KCNK13: variants seen among roughly 807,000 people sequenced by gnomAD.
KCNK13 encodes potassium channel subfamily K member 13.
In KCNK13, 12 loss-of-function variants were observed where a neutral mutation model predicts 23.4. The ratio of observed to expected loss-of-function variants is 0.51; its 90% confidence interval spans 0.33 to 0.83. The LOEUF (loss-of-function observed/expected upper bound fraction) is 0.83, where lower values mean the gene tolerates loss of function less well. Ranked by LOEUF, KCNK13 falls within the 40% of genes least tolerant of loss-of-function variation. KCNK13 has a pLI of 0.02. For synonymous variants in KCNK13, 231 were observed against 229.5 expected, an observed-to-expected ratio of 1.01 and a Z score of -0.06; for missense variants, 463 against 556.3, an observed-to-expected ratio of 0.83 and a Z score of 1.69.
intron 1 of KCNK13, among the ~76,000 whole-genome samples, chr14:90,110,502 A>T (rs1349830643): frequency 1.4e-5 from 2 of 147,534 alleles, no homozygotes; most frequent in African/African-American, 5.0e-5. Context: ...AAAAAAAAGC[A>T]TCTGATTCAG....
At chr14:90,072,932 G>A (rs1163613534) in intron 1 of KCNK13, among the ~76,000 whole-genome samples, 1 of 152,014 alleles carries the variant, frequency 6.6e-6, no homozygotes, top group African/African-American at 2.4e-5. Context: ...CTTTGTGTAC[G>A]TTTAGTTCTA....
Position 90,062,598 on chromosome 14 carries a change from G to T in KCNK13, c.334+59G>T, listed in dbSNP as rs1373834194. Reference sequence around the variant, plus strand: ...CGGGCGGCCTCCACTTCCTCCGGGGGGCAGGACCGACCCTCTCATCCTTTC... The same window carrying T: ...CGGGCGGCCTCCACTTCCTCCGGGGTGCAGGACCGACCCTCTCATCCTTTC... On this transcript the variant is annotated intron_variant, in intron 1 of 1. Transcript: ENST00000282146. This position sits in a 1 kb window ranked among gnomAD's most constrained non-coding sequence, Gnocchi z 4.5. 63 of 1,294,808 alleles carry T rather than the reference G, an allele frequency of 4.9e-5. No homozygotes were observed. Among genetic ancestry groups the T allele is most frequent in the African/African-American group, 6.2e-5 (4 of 64,248 alleles). 80.2% of individuals were successfully genotyped at this position (1,294,808 alleles called of 1,614,324 possible). A position where few individuals can be genotyped will look rare whatever the true frequency, so the allele number is the denominator to read the frequency against.
intron 1 of KCNK13, among the ~76,000 whole-genome samples, chr14:90,166,048 T>A (rs1052732505): frequency 1.8e-4 from 27 of 152,244 alleles, no homozygotes; most frequent in African/African-American, 6.5e-4. Context: ...GTTTTCAGCT[T>A]ATACAGTTAG....
At chr14:90,127,002 A>G (rs1889808761) in intron 1 of KCNK13, among the ~76,000 whole-genome samples, 1 of 152,216 alleles carries the variant, frequency 6.6e-6, no homozygotes. Context: ...TAGTAAATGT[A>G]ATGCAGTATC....
intron 1 of KCNK13, among the ~76,000 whole-genome samples, chr14:90,109,270 ATTTCT>A (rs1216794047): frequency 1.3e-5 from 2 of 152,004 alleles, no homozygotes; most frequent in Non-Finnish European, 2.9e-5. Context: ...AGAATGTTTA[ATTTCT>A]TTTCTAATAA....
chr14:90,127,406 A>G (rs951676488), intron 1 of KCNK13, among the ~76,000 whole-genome samples: 2 of 150,730 alleles, frequency 1.3e-5, no homozygotes, highest in Non-Finnish European at 2.9e-5. Context: ...TTTTGGGGAC[A>G]GGACATTTGT....
chr14:90,099,662 T>C (rs943874535), intron 1 of KCNK13, among the ~76,000 whole-genome samples: 4 of 152,192 alleles, frequency 2.6e-5, no homozygotes, highest in African/African-American at 9.7e-5. Context: ...TCATTGCAAT[T>C]GCACAGCTAA....
intron 1 of KCNK13, among the ~76,000 whole-genome samples, chr14:90,141,800 G>GC (rs1555352014): frequency 6.7e-5 from 10 of 148,764 alleles, no homozygotes; most frequent in African/African-American, 2.5e-4. Flanking sequence ...TTTTTGGGGG[G>GC]GGGGACGGAG....
At chr14:90,141,729 A>T (rs2140428246) in intron 1 of KCNK13, among the ~76,000 whole-genome samples, 1 of 147,706 alleles carries the variant, frequency 6.8e-6, no homozygotes, top group African/African-American at 2.5e-5. Flanking sequence ...AAGCGCTGGG[A>T]TTACAGGTGT....
At chr14:90,172,813 T>G (rs1163045689) in intron 1 of KCNK13, among the ~76,000 whole-genome samples, 1 of 152,192 alleles carries the variant, frequency 6.6e-6, no homozygotes, top group Non-Finnish European at 1.5e-5. Context: ...GTCATCAGAA[T>G]CTGCACCACA....
Position 90,116,417 on chromosome 14 carries a change from C to T in KCNK13, c.334+53878C>T, listed in dbSNP as rs17126573. 6.8e-3 allele frequency among the ~76,000 whole-genome samples: 1,033 copies of T among 152,244 alleles called. 16 individuals are homozygous for T. The highest frequency in any genetic ancestry group is 0.024 in the African/African-American group (985 of 41,520). ...ATTGCACAGTTTAGTTATAAACTAT[C>T]GCACAGTTATAGCAATTTTCAGTTG... On this transcript the variant is annotated intron_variant, in intron 1 of 1. Coordinates refer to ENST00000282146, the MANE Select transcript of KCNK13 (RefSeq NM_022054.4).
chr14:90,115,717 C>T (rs1252433638), intron 1 of KCNK13, among the ~76,000 whole-genome samples: 7 of 152,140 alleles, frequency 4.6e-5, no homozygotes, highest in Non-Finnish European at 1.0e-4. Flanking sequence ...AAAAAACAGG[C>T]AACAGGCCGA....
At chr14:90,134,019 G>A (rs1051284414) in intron 1 of KCNK13, among the ~76,000 whole-genome samples, 4 of 152,140 alleles carry the variant, frequency 2.6e-5, no homozygotes, top group African/African-American at 9.7e-5. Flanking sequence ...CAACAATGTG[G>A]CTGAAACCCT....
intron 1 of KCNK13, among the ~76,000 whole-genome samples, chr14:90,121,262 GTTAAA>G (rs1259089804): frequency 6.6e-6 from 1 of 152,202 alleles, no homozygotes; most frequent in Admixed American, 6.5e-5. Context: ...ACAGGTTTCT[GTTAAA>G]TTAATTAAGA....
At chr14:90,128,378 A>AT (rs963418655) in intron 1 of KCNK13, among the ~76,000 whole-genome samples, 13 of 152,078 alleles carry the variant, frequency 8.5e-5, no homozygotes, top group African/African-American at 2.9e-4. Context: ...GTATTTAGGC[A>AT]TTTTTCAGGG....
At chr14:90,108,142 T>C (rs1429302271) in intron 1 of KCNK13, 4 of 369,374 alleles carry the variant, frequency 1.1e-5, no homozygotes, top group Non-Finnish European at 2.0e-5. Flanking sequence ...ATCAACTTGC[T>C]CTTGACCACG....
At chr14:90,103,069 T>C (rs1889500984) in intron 1 of KCNK13, among the ~76,000 whole-genome samples, 1 of 152,204 alleles carries the variant, frequency 6.6e-6, no homozygotes, top group African/African-American at 2.4e-5. Flanking sequence ...CTTAGGATTA[T>C]GACTGCCAGC....
At position 90,172,798 on chromosome 14, in the gene KCNK13, A is replaced by T. The variant is rs570177862; in HGVS notation, c.335-11313A>T. Among the ~76,000 whole-genome samples the T allele has an allele frequency of 2.0e-5, 3 of 152,352 alleles. No individual in the cohort carries two copies. In the South Asian group the frequency reaches 6.2e-4, roughly 32 times the overall value. On this transcript the variant is annotated intron_variant, in intron 1 of 1. Coordinates refer to ENST00000282146, the MANE Select transcript of KCNK13 (RefSeq NM_022054.4). ...AAGAGGTTACTATTAAGCACGATCA[A>T]CATTGTCATCAGAATCTGCACCACA... is the stretch of plus-strand genomic sequence containing the variant.
chr14:90,126,617 C>T (rs140210406), intron 1 of KCNK13, among the ~76,000 whole-genome samples: 1,999 of 152,134 alleles, frequency 0.013, 30 homozygotes, highest in African/African-American at 0.046. Flanking sequence ...AATCTCGGTT[C>T]ACTGCAACCT....
Sources: allele counts gnomAD v4.1 joint callset (sites outside exome capture counted in the v4.1 genomes callset), GRCh38; gene constraint gnomAD v4.1.1; non-coding constraint Gnocchi (gnomAD v3.1); transcripts MANE v1.5; gene names NCBI Gene and HGNC (gene_info 2026-07-23, HGNC 2026-07-21).